CADPS: variants seen among roughly 807,000 people sequenced by gnomAD.
CADPS encodes the protein calcium-dependent secretion activator 1.
A neutral mutation model predicts 167.3 loss-of-function variants in CADPS; 57 were observed. The observed-to-expected ratio is 0.34, with a 90% CI of 0.28 to 0.42. CADPS has a LOEUF of 0.42. Ranked by LOEUF, CADPS falls within the 20% of genes least tolerant of loss-of-function variation. CADPS has a pLI of 1.00. For synonymous variants in CADPS, 676 were observed against 635.3 expected, an observed-to-expected ratio of 1.06 and a Z score of -0.96; for missense variants, 1,414 against 1,738.1, an observed-to-expected ratio of 0.81 and a Z score of 3.32.
intron 1 of CADPS, among the ~76,000 whole-genome samples, chr3:62,767,136 AAAAAGTTAAATTTTTGTG>A (rs1269850611): frequency 1.3e-5 from 2 of 152,178 alleles, no homozygotes; most frequent in Non-Finnish European, 2.9e-5. Context: ...TTTTAACTTA[AAAAAGTTAAATTTTTGTG>A]AAAAGTTAAA....
At chr3:62,456,786 A>G (rs554508393) in intron 26 of CADPS, among the ~76,000 whole-genome samples, 2 of 151,628 alleles carry the variant, frequency 1.3e-5, no homozygotes, top group African/African-American at 4.8e-5. Flanking sequence ...AAAACCCAAT[A>G]TAATAATATA....
intron 3 of CADPS, among the ~76,000 whole-genome samples, chr3:62,670,108 C>G (rs936670246): frequency 1.3e-5 from 2 of 152,168 alleles, no homozygotes. Flanking sequence ...GGGCCAGATG[C>G]TTAACCTCTC....
intron 1 of CADPS, among the ~76,000 whole-genome samples, chr3:62,841,553 A>C (rs1025094038): frequency 6.6e-6 from 1 of 152,094 alleles, no homozygotes; most frequent in African/African-American, 2.4e-5. Flanking sequence ...TTGTCTCTAC[A>C]AAAAAATACA....
rs1177592269 is a variant in CADPS, at chr3:62,685,415, T to TA, written c.889-23022dup. Among the ~76,000 whole-genome samples, 5 of 151,878 alleles carry TA rather than the reference T, an allele frequency of 3.3e-5. No homozygotes were observed. In the East Asian group the frequency reaches 5.8e-4, roughly 18 times the overall value. On this transcript the variant is annotated intron_variant, in intron 3 of 29. Transcript: ENST00000383710. ...GTGAAGTATAAACGTGCCATATAAA[T>TA]AAAAAAACTGGTGATAATAATGTTA...
intron 1 of CADPS, among the ~76,000 whole-genome samples, chr3:62,781,207 A>G (rs184665518): frequency 2.6e-5 from 4 of 152,228 alleles, no homozygotes; most frequent in Admixed American, 6.5e-5. Context: ...AGACTCCACA[A>G]TCTCTCTCAG....
At chr3:62,424,635 A>G (rs554002841) in intron 28 of CADPS, among the ~76,000 whole-genome samples, 14 of 152,354 alleles carry the variant, frequency 9.2e-5, no homozygotes, top group Non-Finnish European at 1.3e-4. Flanking sequence ...ACATTTACAA[A>G]ATTGTTTCAA....
chr3:62,790,729 T>C (rs1205882176), intron 1 of CADPS, among the ~76,000 whole-genome samples: 1 of 152,226 alleles, frequency 6.6e-6, no homozygotes. Flanking sequence ...TTATTTTCCT[T>C]GCTCTATTGA....
At chr3:62,419,483 C>T (rs2050859341) in intron 28 of CADPS, among the ~76,000 whole-genome samples, 1 of 152,136 alleles carries the variant, frequency 6.6e-6, no homozygotes, top group Non-Finnish European at 1.5e-5. Context: ...TCGTCTCAAT[C>T]TTTTAAAGCT....
intron 6 of CADPS, among the ~76,000 whole-genome samples, chr3:62,629,915 A>G (rs916314902): frequency 6.6e-6 from 1 of 152,150 alleles, no homozygotes; most frequent in East Asian, 1.9e-4. Flanking sequence ...GTCAACTCAA[A>G]TAGCTCCTCT....
At chr3:62,871,230 G>C (rs78689068) in intron 1 of CADPS, among the ~76,000 whole-genome samples, 4,641 of 152,112 alleles carry the variant, frequency 0.031, 109 homozygotes, top group Middle Eastern at 0.054. Context: ...TGTTCCTTCG[G>C]AAGTGTTCTT....
intron 23 of CADPS, among the ~76,000 whole-genome samples, chr3:62,475,826 G>A (rs2061251391): frequency 6.6e-6 from 1 of 152,132 alleles, no homozygotes; most frequent in Non-Finnish European, 1.5e-5. Flanking sequence ...CTGATCTTCT[G>A]AGGCTTGTGT....
intron 24 of CADPS, among the ~76,000 whole-genome samples, chr3:62,472,330 G>C (rs2060724480): frequency 6.6e-6 from 1 of 152,202 alleles, no homozygotes; most frequent in African/African-American, 2.4e-5. Context: ...TGTTAAACTG[G>C]TGAATTTTAT....
intron 19 of CADPS, among the ~76,000 whole-genome samples, chr3:62,493,269 T>C (rs566742546): frequency 1.3e-5 from 2 of 152,298 alleles, no homozygotes; most frequent in Admixed American, 6.5e-5. Flanking sequence ...TTCAAAGGCA[T>C]GCATGCATGT....
chr3:62,775,487 C>G (rs1286334375), intron 1 of CADPS, among the ~76,000 whole-genome samples: 4 of 152,104 alleles, frequency 2.6e-5, no homozygotes, highest in Admixed American at 2.6e-4. Flanking sequence ...AATATTGCCA[C>G]TGATATCAAA....
intron 11 of CADPS, among the ~76,000 whole-genome samples, chr3:62,537,694 T>C (rs2074967648): frequency 6.6e-6 from 1 of 151,954 alleles, no homozygotes; most frequent in Non-Finnish European, 1.5e-5. Flanking sequence ...GGGAGTAGTT[T>C]GGATAACATT....
chr3:62,755,824 A>G (rs1175100532), intron 2 of CADPS, among the ~76,000 whole-genome samples: 1 of 152,148 alleles, frequency 6.6e-6, no homozygotes, highest in Non-Finnish European at 1.5e-5. Flanking sequence ...GAGCTAAATA[A>G]TTCATCTGCA....
chr3:62,433,232 G>A lies in CADPS; in HGVS notation c.3777+4872C>T, dbSNP rs565762929. Among the ~76,000 whole-genome samples, 174 of 152,222 alleles carry A rather than the reference G, an allele frequency of 1.1e-3. No homozygotes were observed. Among genetic ancestry groups the A allele is most frequent in the Non-Finnish European group, 2.1e-3 (144 of 68,010 alleles). On this transcript the variant is annotated intron_variant, in intron 28 of 29. Transcript: ENST00000383710. This position sits in a 1 kb window ranked among gnomAD's most constrained non-coding sequence, Gnocchi z 4.7. Reference sequence around the variant, plus strand: ...TAGCAAATATATTTTAACAGGCAAAGGTTTCATGTTTCAAATTACCCTTTT... The same window carrying A: ...TAGCAAATATATTTTAACAGGCAAAAGTTTCATGTTTCAAATTACCCTTTT...
chr3:62,551,347 G>T (rs1230627641), intron 10 of CADPS, among the ~76,000 whole-genome samples: 1 of 152,084 alleles, frequency 6.6e-6, no homozygotes, highest in African/African-American at 2.4e-5. Context: ...AATTCTGATG[G>T]TTCCACCGTT....
At chr3:62,820,802 T>TG (rs1553723789) in intron 1 of CADPS, among the ~76,000 whole-genome samples, 3 of 150,986 alleles carry the variant, frequency 2.0e-5, no homozygotes, top group Non-Finnish European at 4.4e-5. Flanking sequence ...TTGGTTTTTT[T>TG]TTTTTTTCTG....
Sources: allele counts gnomAD v4.1 joint callset (sites outside exome capture counted in the v4.1 genomes callset), GRCh38; gene constraint gnomAD v4.1.1; non-coding constraint Gnocchi (gnomAD v3.1); transcripts MANE v1.5; gene names NCBI Gene and HGNC (gene_info 2026-07-23, HGNC 2026-07-21).